Variants in BMP1 observed in about 807,000 individuals in gnomAD.
BMP1 encodes bone morphogenetic protein 1.
In BMP1, 63 loss-of-function variants were observed where a neutral mutation model predicts 116.8. That is an observed-to-expected ratio of 0.54 (90% CI 0.44 to 0.67). The LOEUF (loss-of-function observed/expected upper bound fraction) is 0.67. Among genes scored for constraint, BMP1 ranks in the 30% least tolerant of loss-of-function variants. The pLI is 0.00. For missense variants in BMP1, 1,183 were observed against 1,358.9 expected, an observed-to-expected ratio of 0.87 and a Z score of 2.04; for synonymous variants, 536 against 533.4, an observed-to-expected ratio of 1.00 and a Z score of -0.07.
At chr8:22,178,013 G>C in intron 6 of BMP1, 56 bp downstream of exon 6, 2 of 1,389,076 alleles carry the variant, frequency 1.4e-6, no homozygotes, top group East Asian at 4.6e-5. Flanking sequence ...CCTGCCCTCT[G>C]TAGGCTATTC....
intron 18 of BMP1, among the ~76,000 whole-genome samples, 161 bp downstream of exon 18, chr8:22,207,677 T>C (rs543081056): frequency 6.6e-6 from 1 of 152,062 alleles, no homozygotes; most frequent in East Asian, 1.9e-4. Flanking sequence ...GAACCAGGCC[T>C]GGGGGGCAGG....
At chr8:22,210,468 T>TCTCTCTCTCACACA (rs10664439) in intron 19 of BMP1, among the ~76,000 whole-genome samples, 37 of 135,564 alleles carry the variant, frequency 2.7e-4, no homozygotes, top group Admixed American at 9.6e-4. Flanking sequence ...TCTCTCTCTC[T>TCTCTCTCTCACACA]CACACACATA....
intron 1 of BMP1, 134 bp downstream of exon 1, chr8:22,165,687 G>C (rs1828074662): frequency 2.6e-5 from 18 of 704,612 alleles, no homozygotes; most frequent in East Asian, 1.7e-4. Context: ...GGGAACAAAA[G>C]AACGAGGGGG....
Position 22,194,475 on chromosome 8 carries a change from A to G in BMP1, c.1328A>G (p.Tyr443Cys), listed in dbSNP as rs1055881481. The change falls in exon 11 of 20, where the codon TAT becomes TGT. Residue 443 changes from tyrosine (Y) to cysteine (C), a missense_variant. Around this residue, in one of 4 missense-constraint regions of BMP1, gnomAD observed 956 missense variants for 1,135.2 expected, o/e 0.84. Coordinates refer to ENST00000306385, the MANE Select transcript of BMP1 (RefSeq NM_006129.5). The surrounding 1 kb of genome is among the most constrained non-coding windows in gnomAD (Gnocchi z 4.5). ...TGCGGGGGTGATGTGAAAAAGGACT[A>G]TGGCCACATTCAATCGCCCAACTAC... ...AICGGDVKKD[Y>C]GHIQSPNYPD... 1 of 1,614,128 alleles carries G rather than the reference A, an allele frequency of 6.2e-7. No homozygotes were observed. Among genetic ancestry groups the G allele is most frequent in the Non-Finnish European group, 8.5e-7 (1 of 1,180,022 alleles).
chr8:22,166,649 C>A (rs4348488), intron 1 of BMP1, among the ~76,000 whole-genome samples: 1 of 152,144 alleles, frequency 6.6e-6, no homozygotes, highest in South Asian at 2.1e-4. Context: ...TGTGGGGCAC[C>A]AGGGGCGGAG....
intron 1 of BMP1, chr8:22,169,413 T>C (rs887953892): frequency 2.0e-5 from 3 of 152,284 alleles, no homozygotes; most frequent in Non-Finnish European, 2.9e-5. Context: ...CTGTGAAACA[T>C]GGTGCATGCC....
intron 8 of BMP1, among the ~76,000 whole-genome samples, chr8:22,187,574 C>T (rs1180559997): frequency 1.4e-5 from 2 of 139,472 alleles, no homozygotes; most frequent in Non-Finnish European, 3.0e-5. Flanking sequence ...TGGTCTCGAT[C>T]TCCTGACCTC....
Position 22,211,682 on chromosome 8 carries a change from G to A in BMP1, c.2915G>A (p.Arg972Gln), listed in dbSNP as rs915481416. 4.3e-6 allele frequency: 7 copies of A among 1,614,022 alleles called. No individual in the cohort carries two copies. Among genetic ancestry groups the A allele is most frequent in the Admixed American group, 1.7e-5 (1 of 60,000 alleles). ...DTITKKGFHL[R>Q]YTSTKFQDTL... The stretch of plus-strand genomic sequence containing the variant: ...ATCACCAAAAAAGGTTTCCACCTGC[G>A]ATACACCAGCACCAAGTTCCAGGAC... Residue 972 changes from arginine (R) to glutamine (Q), a missense_variant, in exon 20 of 20, where the codon CGA becomes CAA. Coordinates refer to ENST00000306385, the MANE Select transcript of BMP1 (RefSeq NM_006129.5).
In BMP1 at chr8:22,211,980, T is replaced by A; in HGVS notation, c.*252T>A. The A allele has an allele frequency of 1.8e-6, 1 of 555,364 alleles. No individual in the cohort carries two copies. The highest frequency in any genetic ancestry group is 3.2e-6 in the Non-Finnish European group (1 of 313,486). The allele number at this position is 555,364 out of a possible 1,614,324, so 34.4% of individuals were successfully genotyped here. On this transcript the variant is annotated 3_prime_UTR_variant, in exon 20 of 20. Coordinates refer to ENST00000306385, the MANE Select transcript of BMP1 (RefSeq NM_006129.5). Reference sequence around the variant, plus strand: ...GCTTCCACAAGACATTTCGAAGTCATCATTCCTCTCTTAGGGGGCCCTGCC... The same window carrying A: ...GCTTCCACAAGACATTTCGAAGTCAACATTCCTCTCTTAGGGGGCCCTGCC...
At chr8:22,199,114 C>T in intron 15 of BMP1, 1 of 1,367,634 alleles carries the variant, frequency 7.3e-7, no homozygotes, top group Non-Finnish European at 9.8e-7. Flanking sequence ...GCCCGCCCCA[C>T]CCTCAGCCCT....
chr8:22,182,991 A>G (rs1828666674), intron 8 of BMP1, among the ~76,000 whole-genome samples: 1 of 152,188 alleles, frequency 6.6e-6, no homozygotes. Flanking sequence ...CATTTGTTGT[A>G]ATTTGAAGAT....
intron 8 of BMP1, among the ~76,000 whole-genome samples, chr8:22,190,561 G>T (rs1054271706): frequency 6.6e-6 from 1 of 152,226 alleles, no homozygotes; most frequent in Non-Finnish European, 1.5e-5. Flanking sequence ...TGACGTGTTG[G>T]TGTGTGGCCG....
intron 12 of BMP1, 29 bp from the exon 13 acceptor site, chr8:22,195,433 T>C (rs771196630): frequency 1.9e-6 from 3 of 1,579,792 alleles, no homozygotes; most frequent in Non-Finnish European, 2.6e-6. Flanking sequence ...ATGCCTGGAG[T>C]CTGTGACACC....
At chr8:22,174,933 G>A (rs140253053) in intron 2 of BMP1, among the ~76,000 whole-genome samples, 50 of 152,296 alleles carry the variant, frequency 3.3e-4, no homozygotes, top group Admixed American at 1.2e-3. Context: ...TGTACCAAAG[G>A]GCAGGGATTC....
intron 16 of BMP1, among the ~76,000 whole-genome samples, chr8:22,202,371 A>G (rs1829283017): frequency 6.6e-6 from 1 of 152,152 alleles, no homozygotes; most frequent in South Asian, 2.1e-4. Context: ...CCTGGGTAAA[A>G]TGTAGATAAT....
At chr8:22,177,659 C>G (rs762293523) in intron 5 of BMP1, 193 bp from the exon 6 acceptor site, 5 of 763,292 alleles carry the variant, frequency 6.6e-6, no homozygotes, top group East Asian at 2.4e-5. Context: ...TCACCAGGCC[C>G]TCTGCTGGAC....
chr8:22,199,346 G>A (rs764677085), intron 15 of BMP1: 3 of 1,329,390 alleles, frequency 2.3e-6, no homozygotes, highest in Admixed American at 2.1e-5. Context: ...AAGACCTTCA[G>A]TCTGACCCCT....
intron 1 of BMP1, among the ~76,000 whole-genome samples, chr8:22,173,291 A>C (rs907038137): frequency 2.0e-5 from 3 of 152,124 alleles, no homozygotes; most frequent in African/African-American, 7.2e-5. Flanking sequence ...GCTAATTTTA[A>C]ATAATTAGCT....
At chr8:22,196,529 C>T in intron 13 of BMP1, 151 bp from the exon 14 acceptor site, 5 of 1,195,390 alleles carry the variant, frequency 4.2e-6, no homozygotes, top group South Asian at 2.8e-5. Flanking sequence ...TGCCTCCTCC[C>T]GTCCGCCCCA....
Sources: allele counts gnomAD v4.1 joint callset (sites outside exome capture counted in the v4.1 genomes callset), GRCh38; gene constraint gnomAD v4.1.1; regional missense constraint gnomAD v4.1.1; non-coding constraint Gnocchi (gnomAD v3.1); transcripts MANE v1.5; gene names NCBI Gene and HGNC (gene_info 2026-07-23, HGNC 2026-07-21).